Variants in NUP107 observed in about 807,000 individuals in gnomAD.
The protein encoded by NUP107 is nucleoporin 107, also known as nuclear pore complex protein Nup107.
In NUP107, 101 loss-of-function variants were observed where a neutral mutation model predicts 141.0. The observed-to-expected ratio is 0.72, with a 90% confidence interval of 0.61 to 0.84. The LOEUF (loss-of-function observed/expected upper bound fraction) is 0.84. Among genes scored for constraint, NUP107 ranks in the 40% least tolerant of loss-of-function variants. The pLI is 0.00. For synonymous variants in NUP107, 319 were observed against 363.9 expected (o/e 0.88, Z 1.41); for missense variants, 941 against 1,102.7 (o/e 0.85, Z 2.08).
chr12:68,705,552 AG>A (rs369028269), intron 8 of NUP107: 118 of 249,640 alleles, frequency 4.7e-4, no homozygotes, highest in African/African-American at 7.1e-4. Flanking sequence ...AAAAAAAAAA[AG>A]AATCACCAAG....
At chr12:68,731,288 T>G (rs1192172306) in intron 21 of NUP107, 28 bp downstream of exon 21, 2 of 1,577,462 alleles carry the variant, frequency 1.3e-6, no homozygotes, top group Non-Finnish European at 1.7e-6. Context: ...CTTTGTCTTT[T>G]GGCCTTTCTA....
At chr12:68,734,944 C>A in intron 25 of NUP107, 111 bp downstream of exon 25, 17 of 1,189,034 alleles carry the variant, frequency 1.4e-5, no homozygotes, top group Non-Finnish European at 2.0e-5. Context: ...CAGGTAATCT[C>A]CCTGTTAATG....
Position 68,719,376 on chromosome 12 carries a change from G to A in NUP107, c.1119G>A (p.Trp373Ter). 1 of 1,614,138 alleles carries A rather than the reference G, an allele frequency of 6.2e-7. No homozygotes were observed. The highest frequency in any genetic ancestry group is 8.5e-7 in the Non-Finnish European group (1 of 1,180,022). ...TCTGTAAACGCTGTGGTCAAGCATGGAGAGCTGCAACACTTGAAGGCTGGA... is the reference window on the plus strand; with the variant it reads ...TCTGTAAACGCTGTGGTCAAGCATGAAGAGCTGCAACACTTGAAGGCTGGA... Reference protein sequence around the residue: ...QRLCKRCGQAWRAATLEGWKL... With the variant: ...QRLCKRCGQA The change falls in exon 13 of 28, where the codon TGG becomes TGA. Residue 373 changes from tryptophan (W) to a stop codon, truncating the protein, a stop_gained. Coordinates refer to ENST00000229179, the MANE Select transcript of NUP107 (RefSeq NM_020401.4). LOFTEE classifies it high-confidence loss of function.
Position 68,734,909 on chromosome 12 carries a change from T to C in NUP107, c.2388+76T>C, listed in dbSNP as rs906230156. Reference sequence around the variant, plus strand: ...GTTGTATATTTAAAGAGATCGTTTCTTCAGCAACTATCTTTCGATCATAAC... The same window carrying C: ...GTTGTATATTTAAAGAGATCGTTTCCTCAGCAACTATCTTTCGATCATAAC... On this transcript the variant is annotated intron_variant, in intron 25 of 27. Transcript: ENST00000229179. The C allele has an allele frequency of 8.9e-6, 13 of 1,466,272 alleles. No homozygotes were observed. In the African/African-American group the frequency reaches 1.6e-4, roughly 17 times the overall value. 90.8% of individuals were successfully genotyped at this position (1,466,272 alleles called of 1,614,324 possible). A position where few individuals can be genotyped will look rare whatever the true frequency, so the allele number is the denominator to read the frequency against.
chr12:68,713,783 G>A lies in NUP107; in HGVS notation c.944G>A (p.Ser315Asn). ...KQRQLTSYVG[S>N]VRPLVTELDP... ...CGGCAGCTGACTTCTTACGTTGGAA[G>A]TGTTCGTCCGCTTGTCACTGAATTG... The change falls in exon 11 of 28, where the codon AGT becomes AAT. Residue 315 changes from serine (S) to asparagine (N), a missense_variant. Transcript: ENST00000229179. 6.2e-7 allele frequency: 1 copy of A among 1,610,570 alleles called. No individual in the cohort carries two copies. The highest frequency in any genetic ancestry group is 8.5e-7 in the Non-Finnish European group (1 of 1,178,832).
chr12:68,687,010 A>G lies in NUP107; in HGVS notation c.-56A>G. The G allele has an allele frequency of 6.2e-7, 1 of 1,613,666 alleles. No homozygotes were observed. The highest frequency in any genetic ancestry group is 8.5e-7 in the Non-Finnish European group (1 of 1,179,592). On this transcript the variant is annotated 5_prime_UTR_variant, in exon 1 of 28. Coordinates refer to ENST00000229179, the MANE Select transcript of NUP107 (RefSeq NM_020401.4). ...TTGCTTCCGGAGAGCGGGAAGGCTA[A>G]AACGCGGTAGCTAAACTGCAGCCAA...
At chr12:68,736,707 G>A (rs1878082476) in intron 26 of NUP107, among the ~76,000 whole-genome samples, 1 of 142,544 alleles carries the variant, frequency 7.0e-6, no homozygotes, top group East Asian at 2.1e-4. Context: ...ATGAGTCAAT[G>A]TGTCGCCACC....
chr12:68,735,389 C>G, intron 26 of NUP107, 45 bp downstream of exon 26: 2 of 1,322,696 alleles, frequency 1.5e-6, no homozygotes, highest in Non-Finnish European at 2.2e-6. Flanking sequence ...AAACACTCAC[C>G]ATGTTCTTTT....
intron 17 of NUP107, among the ~76,000 whole-genome samples, chr12:68,723,233 T>G (rs1877427311): frequency 6.7e-6 from 1 of 150,204 alleles, no homozygotes; most frequent in Non-Finnish European, 1.5e-5. Flanking sequence ...CTGGGTATGG[T>G]GGTGTACCCA....
intron 20 of NUP107, 114 bp downstream of exon 20, chr12:68,727,503 A>G (rs1877614194): frequency 6.6e-6 from 4 of 604,524 alleles, no homozygotes; most frequent in Non-Finnish European, 1.2e-5. Flanking sequence ...TCCATAAGAG[A>G]TCTTTTAATT....
intron 6 of NUP107, 118 bp downstream of exon 6, chr12:68,697,040 T>C (rs895056760): frequency 5.5e-6 from 3 of 540,782 alleles, no homozygotes; most frequent in Non-Finnish European, 3.2e-6. Flanking sequence ...GTGGCAGGAG[T>C]GGAGGGAAAG....
intron 11 of NUP107, among the ~76,000 whole-genome samples, chr12:68,714,767 A>C (rs1877027031): frequency 6.6e-6 from 1 of 152,178 alleles, no homozygotes; most frequent in Non-Finnish European, 1.5e-5. Flanking sequence ...GGTAGAAATA[A>C]CTGTTTTGGG....
chr12:68,707,989 G>C (rs1018549642), intron 8 of NUP107, among the ~76,000 whole-genome samples: 1 of 152,010 alleles, frequency 6.6e-6, no homozygotes, highest in Non-Finnish European at 1.5e-5. Flanking sequence ...TTCTTGGGAG[G>C]CTGAGGCATG....
At chr12:68,689,793 C>T in intron 3 of NUP107, 174 bp downstream of exon 3, 1 of 530,596 alleles carries the variant, frequency 1.9e-6, no homozygotes, top group Non-Finnish European at 3.3e-6. Flanking sequence ...CTGTACTTTC[C>T]ATAAACACAC....
chr12:68,739,183 G>C (rs765945519), intron 26 of NUP107, among the ~76,000 whole-genome samples: 1 of 152,048 alleles, frequency 6.6e-6, no homozygotes, highest in African/African-American at 2.4e-5. Flanking sequence ...AAAATAGCAT[G>C]TATGCATGTG....
chr12:68,738,232 C>T (rs749641637), intron 26 of NUP107, among the ~76,000 whole-genome samples: 3 of 151,950 alleles, frequency 2.0e-5, no homozygotes, highest in Non-Finnish European at 2.9e-5. Flanking sequence ...GCCGAGATTG[C>T]GCCACTGCAC....
rs1878331173 is a variant in NUP107 at position 68,741,829 on chromosome 12, A to G, written c.2519A>G (p.His840Arg). 2 of 1,612,354 alleles carry G rather than the reference A, an allele frequency of 1.2e-6. No homozygotes were observed. The highest frequency in any genetic ancestry group is 1.3e-5 in the African/African-American group (1 of 74,882). ...TGTTTGTAGGATGCCAAAGAAGACC[A>G]TGAAAGAACACATCAAATGGTCTTA... ...VDVREDAKED[H>R]ERTHQMVLLR... Residue 840 changes from histidine to arginine, a missense_variant, in exon 27 of 28, where the codon CAT (histidine) becomes CGT (arginine). By Grantham distance (29) the His-to-Arg change is conservative. Coordinates refer to ENST00000229179, the MANE Select transcript of NUP107 (RefSeq NM_020401.4).
chr12:68,702,849 T>A, intron 8 of NUP107, 65 bp downstream of exon 8: 1 of 941,216 alleles, frequency 1.1e-6, no homozygotes, highest in Non-Finnish European at 1.5e-6. Flanking sequence ...TAATAGGATT[T>A]TTTTTTTTTT....
rs1026652069 is a variant in NUP107 at position 68,741,986 on chromosome 12, T to C, written c.2670+6T>C. On this transcript the variant is annotated splice_donor_region_variant and intron_variant, in intron 27 of 27. Transcript: ENST00000229179. Reference sequence around the variant, plus strand: ...AGCGCCACAAACTGTACCTGGTAAGTTCTAGAGCCTTGTAGTTTTAAATTT... The same window carrying C: ...AGCGCCACAAACTGTACCTGGTAAGCTCTAGAGCCTTGTAGTTTTAAATTT... 1.3e-6 allele frequency: 2 copies of C among 1,575,674 alleles called. No individual in the cohort carries two copies. Among genetic ancestry groups the C allele is most frequent in the African/African-American group, 2.7e-5 (2 of 73,168 alleles).
Sources: allele counts gnomAD v4.1 joint callset (sites outside exome capture counted in the v4.1 genomes callset), GRCh38; gene constraint gnomAD v4.1.1; transcripts MANE v1.5; gene names NCBI Gene and HGNC (gene_info 2026-07-23, HGNC 2026-07-21).